The following EPHA6 variants were observed in gnomAD, a reference collection of about 807,000 sequenced individuals.
EPHA6 encodes the protein ephrin type-A receptor 6.
EPHA6 carries 50 observed loss-of-function variants against 112.0 expected under a neutral mutation model. The ratio of observed to expected loss-of-function variants is 0.45; its 90% CI spans 0.36 to 0.56. EPHA6 has a LOEUF of 0.56. EPHA6 is among the 20% of genes least tolerant of loss of function. The pLI is 0.00. For synonymous variants in EPHA6, 529 were observed against 490.7 expected (o/e 1.08, Z -1.03); for missense variants, 1,280 against 1,417.4 (o/e 0.90, Z 1.56).
intron 6 of EPHA6, among the ~76,000 whole-genome samples, chr3:97,421,499 C>A (rs2088625451): frequency 6.6e-6 from 1 of 152,064 alleles, no homozygotes; most frequent in Non-Finnish European, 1.5e-5. Context: ...TAAAAACACT[C>A]AAATACAGCC....
intron 11 of EPHA6, chr3:97,590,090 T>G (rs75932320): frequency 6.6e-6 from 1 of 152,192 alleles, no homozygotes; most frequent in South Asian, 2.1e-4. Flanking sequence ...TAGTGTTTCA[T>G]GCAATCTCTG....
At chr3:97,361,011 G>A (rs1432339835) in intron 5 of EPHA6, among the ~76,000 whole-genome samples, 1 of 152,092 alleles carries the variant, frequency 6.6e-6, no homozygotes, top group Non-Finnish European at 1.5e-5. Flanking sequence ...GTGCCCTTTT[G>A]AGTTGTTTTC....
chr3:97,247,602 C>A (rs2079021098), intron 5 of EPHA6, among the ~76,000 whole-genome samples: 1 of 151,658 alleles, frequency 6.6e-6, no homozygotes, highest in Non-Finnish European at 1.5e-5. Context: ...AGGAACCAGG[C>A]AAAAGTTGGA....
At chr3:97,547,173 GTTGTT>G (rs2092963011) in intron 11 of EPHA6, among the ~76,000 whole-genome samples, 1 of 152,194 alleles carries the variant, frequency 6.6e-6, no homozygotes, top group South Asian at 2.1e-4. Flanking sequence ...TTTCTGCTCT[GTTGTT>G]TTCCCATCTT....
intron 1 of EPHA6, among the ~76,000 whole-genome samples, chr3:96,820,553 A>C (rs1248962988): frequency 6.6e-6 from 1 of 152,106 alleles, no homozygotes. Flanking sequence ...TTAATTTTTC[A>C]TTATTCTTCA....
At chr3:97,314,568 AC>A (rs1451016182) in intron 5 of EPHA6, among the ~76,000 whole-genome samples, 1 of 151,658 alleles carries the variant, frequency 6.6e-6, no homozygotes, top group Non-Finnish European at 1.5e-5. Flanking sequence ...AATAGCTGAA[AC>A]CACCAGCATC....
At chr3:96,847,873 C>T (rs2035163913) in intron 1 of EPHA6, among the ~76,000 whole-genome samples, 1 of 152,006 alleles carries the variant, frequency 6.6e-6, no homozygotes, top group Non-Finnish European at 1.5e-5. Flanking sequence ...ATTCAGTACA[C>T]ATTATCAGTA....
At chr3:97,648,909 C>G (rs765370045) in intron 14 of EPHA6, among the ~76,000 whole-genome samples, 1 of 152,040 alleles carries the variant, frequency 6.6e-6, no homozygotes, top group African/African-American at 2.4e-5. Flanking sequence ...AGATACAATA[C>G]GTGGTAAAAT....
At chr3:97,506,382 G>A (rs2092253516) in intron 10 of EPHA6, among the ~76,000 whole-genome samples, 1 of 152,174 alleles carries the variant, frequency 6.6e-6, no homozygotes, top group South Asian at 2.1e-4. Context: ...AAGGGGTCCA[G>A]TTTCAGTTTT....
intron 2 of EPHA6, among the ~76,000 whole-genome samples, chr3:96,869,548 T>C (rs1173597516): frequency 1.3e-5 from 2 of 152,026 alleles, no homozygotes; most frequent in Non-Finnish European, 2.9e-5. Flanking sequence ...ATCATTTGGC[T>C]GGAGTGGAGG....
chr3:96,981,937 T>C (rs961865631), intron 2 of EPHA6, among the ~76,000 whole-genome samples: 1 of 152,184 alleles, frequency 6.6e-6, no homozygotes, highest in Non-Finnish European at 1.5e-5. Context: ...TATTTGATTC[T>C]TCTCTCTTTT....
At chr3:97,434,628 T>C (rs1376282756) in intron 6 of EPHA6, among the ~76,000 whole-genome samples, 2 of 152,166 alleles carry the variant, frequency 1.3e-5, no homozygotes, top group African/African-American at 4.8e-5. Flanking sequence ...ATGTTTAATC[T>C]TGTTCCAGGT....
At chr3:97,230,324 T>C (rs1176559959) in intron 4 of EPHA6, among the ~76,000 whole-genome samples, 1 of 152,178 alleles carries the variant, frequency 6.6e-6, no homozygotes, top group South Asian at 2.1e-4. Flanking sequence ...AAATATGGGC[T>C]ACAACAAGGT....
At chr3:97,078,445 T>C (rs1391589628) in intron 3 of EPHA6, among the ~76,000 whole-genome samples, 7 of 152,138 alleles carry the variant, frequency 4.6e-5, no homozygotes, top group Non-Finnish European at 7.4e-5. Context: ...TTGCTTTTGG[T>C]GTTTTAGTCA....
chr3:96,866,919 C>CT, intron 2 of EPHA6, 30 bp downstream of exon 2: 1 of 1,324,832 alleles, frequency 7.5e-7, no homozygotes, highest in Non-Finnish European at 1.0e-6. Context: ...AAATTGCTGT[C>CT]TTTTTTAGAT....
At chr3:96,878,037 A>G (rs1205692391) in intron 2 of EPHA6, among the ~76,000 whole-genome samples, 10 of 151,730 alleles carry the variant, frequency 6.6e-5, no homozygotes, top group South Asian at 2.1e-4. Flanking sequence ...AATGTGATTA[A>G]TTAAACAAAT....
At chr3:97,342,747 A>G (rs1383601128) in intron 5 of EPHA6, among the ~76,000 whole-genome samples, 1 of 152,018 alleles carries the variant, frequency 6.6e-6, no homozygotes, top group Non-Finnish European at 1.5e-5. Flanking sequence ...TATGCCATGG[A>G]AAGATAAAAT....
intron 1 of EPHA6, among the ~76,000 whole-genome samples, chr3:96,828,223 T>C (rs2033793299): frequency 6.6e-6 from 1 of 152,146 alleles, no homozygotes; most frequent in Non-Finnish European, 1.5e-5. Flanking sequence ...TTTTGCCCTA[T>C]CCTTTTAGGC....
intron 14 of EPHA6, among the ~76,000 whole-genome samples, chr3:97,717,519 G>A (rs576241920): frequency 8.5e-5 from 13 of 152,254 alleles, no homozygotes; most frequent in Middle Eastern, 3.4e-3. Flanking sequence ...GCTTCTTCTT[G>A]AGGATGGCCT....
Sources: allele counts gnomAD v4.1 joint callset (sites outside exome capture counted in the v4.1 genomes callset), GRCh38; gene constraint gnomAD v4.1.1; transcripts MANE v1.5; gene names NCBI Gene and HGNC (gene_info 2026-07-23, HGNC 2026-07-21).